Variants in GREB1L observed in about 807,000 individuals in gnomAD.
The protein encoded by GREB1L is GREB1 like retinoic acid receptor coactivator.
A neutral mutation model predicts 200.8 loss-of-function variants in GREB1L; 17 were observed. The observed-to-expected ratio is 0.08, with a 90% confidence interval of 0.06 to 0.13. The LOEUF (loss-of-function observed/expected upper bound fraction) is 0.13, where lower values mean the gene tolerates loss of function less well. GREB1L is among the 10% of genes least tolerant of loss of function. GREB1L has a pLI of 1.00. For missense variants in GREB1L, 1,657 were observed against 2,367.7 expected (o/e 0.70, Z 6.23); for synonymous variants, 789 against 893.0 (o/e 0.88, Z 2.08).
intron 1 of GREB1L, among the ~76,000 whole-genome samples, chr18:21,362,661 T>C (rs2039597400): frequency 6.6e-6 from 1 of 152,234 alleles, no homozygotes; most frequent in Non-Finnish European, 1.5e-5. Flanking sequence ...TCTCCATAAT[T>C]GGCATTGACC....
At chr18:21,333,675 C>CAA (rs36089817) in intron 1 of GREB1L, among the ~76,000 whole-genome samples, 1 of 108,848 alleles carries the variant, frequency 9.2e-6, no homozygotes, top group Non-Finnish European at 2.1e-5. Context: ...AACTCTGTCT[C>CAA]AAAAAAAAAA....
chr18:21,459,308 G>A (rs1169105426), intron 15 of GREB1L, among the ~76,000 whole-genome samples: 3 of 126,918 alleles, frequency 2.4e-5, no homozygotes, highest in East Asian at 2.5e-4. Context: ...TTTTTGAGAC[G>A]GAGTTTCACT....
rs535597475 is a variant in GREB1L at position 21,410,400 on chromosome 18, A to C, written c.832+6406A>C. On this transcript the variant is annotated intron_variant, in intron 7 of 32. Coordinates refer to ENST00000424526, the MANE Select transcript of GREB1L (RefSeq NM_001142966.3). ...GGCCAGCACGGTGGCTCATGCCTGT[A>C]ATCCCAGCACTTTGGGAGGCTGAGG... 6.6e-5 allele frequency among the ~76,000 whole-genome samples: 10 copies of C among 152,242 alleles called. No individual in the cohort carries two copies. In the South Asian group the frequency reaches 8.3e-4, roughly 13 times the overall value.
intron 4 of GREB1L, among the ~76,000 whole-genome samples, chr18:21,391,994 G>A (rs1267612163): frequency 1.3e-5 from 2 of 152,118 alleles, no homozygotes; most frequent in African/African-American, 2.4e-5. Flanking sequence ...ATTTTTAGTA[G>A]AGACAAGATT....
intron 2 of GREB1L, among the ~76,000 whole-genome samples, chr18:21,372,585 G>A (rs928221378): frequency 6.6e-6 from 1 of 152,072 alleles, no homozygotes; most frequent in African/African-American, 2.4e-5. Flanking sequence ...GGCCGAAGAT[G>A]GCTTTGAATG....
At chr18:21,304,718 T>A (rs969153767) in intron 1 of GREB1L, among the ~76,000 whole-genome samples, 7 of 151,848 alleles carry the variant, frequency 4.6e-5, no homozygotes, top group African/African-American at 1.7e-4. Context: ...AAAGAAAAAA[T>A]AAAAAATAAC....
intron 19 of GREB1L, among the ~76,000 whole-genome samples, chr18:21,492,386 G>A (rs938993698): frequency 5.3e-5 from 8 of 151,874 alleles, no homozygotes; most frequent in South Asian, 2.1e-4. Flanking sequence ...TTGGAAAGGC[G>A]GACAATCAGC....
At chr18:21,277,102 G>T (rs1382220924) in intron 1 of GREB1L, among the ~76,000 whole-genome samples, 1 of 151,942 alleles carries the variant, frequency 6.6e-6, no homozygotes, top group Non-Finnish European at 1.5e-5. Context: ...CCAATTTTTT[G>T]TATTTTTAGT....
At chr18:21,354,415 C>G (rs545230950) in intron 1 of GREB1L, among the ~76,000 whole-genome samples, 2 of 152,268 alleles carry the variant, frequency 1.3e-5, no homozygotes, top group East Asian at 3.9e-4. Flanking sequence ...TATTGAGACC[C>G]AGTTTTCAAC....
chr18:21,496,206 T>C (rs2145903557), intron 20 of GREB1L, among the ~76,000 whole-genome samples: 1 of 152,314 alleles, frequency 6.6e-6, no homozygotes, highest in South Asian at 2.1e-4. Context: ...CTTACATGTA[T>C]TCAGTCCTTA....
At chr18:21,507,942 T>C (rs549134726) in intron 25 of GREB1L, among the ~76,000 whole-genome samples, 176 bp from the exon 26 acceptor site, 1 of 152,338 alleles carries the variant, frequency 6.6e-6, no homozygotes, top group Non-Finnish European at 1.5e-5. Flanking sequence ...TGGCAGCTCC[T>C]AAATGAAGTG....
chr18:21,429,987 G>A (rs2033011249), intron 7 of GREB1L, among the ~76,000 whole-genome samples: 1 of 152,168 alleles, frequency 6.6e-6, no homozygotes, highest in African/African-American at 2.4e-5. Flanking sequence ...TCCTTGACTT[G>A]CAGATGACCG....
intron 4 of GREB1L, among the ~76,000 whole-genome samples, chr18:21,393,087 A>G (rs547039397): frequency 4.6e-5 from 7 of 152,044 alleles, no homozygotes; most frequent in South Asian, 2.1e-4. Context: ...CAATGTTTTC[A>G]TGGTGTTTTC....
chr18:21,340,142 G>C (rs2039246365), intron 1 of GREB1L, among the ~76,000 whole-genome samples: 1 of 152,226 alleles, frequency 6.6e-6, no homozygotes, highest in Admixed American at 6.5e-5. Context: ...TTGGGGCCGG[G>C]TGTGGTGGCT....
intron 15 of GREB1L, among the ~76,000 whole-genome samples, chr18:21,460,699 C>T (rs2035006903): frequency 6.6e-6 from 1 of 152,086 alleles, no homozygotes; most frequent in South Asian, 2.1e-4. Flanking sequence ...TCATGGACTC[C>T]ATTTCACTCC....
chr18:21,334,835 C>A (rs1262913265), intron 1 of GREB1L, among the ~76,000 whole-genome samples: 3 of 151,836 alleles, frequency 2.0e-5, no homozygotes, highest in East Asian at 3.9e-4. Flanking sequence ...GATGAATTAA[C>A]CTTTGAGAGG....
intron 7 of GREB1L, among the ~76,000 whole-genome samples, chr18:21,420,305 G>A (rs551518438): frequency 6.6e-6 from 1 of 151,624 alleles, no homozygotes; most frequent in South Asian, 2.1e-4. Flanking sequence ...CTGGGAGGCG[G>A]AGGTTGCAAT....
chr18:21,424,405 T>C (rs2032401056), intron 7 of GREB1L, among the ~76,000 whole-genome samples: 2 of 152,026 alleles, frequency 1.3e-5, no homozygotes, highest in Admixed American at 6.6e-5. Flanking sequence ...CCATCTCTAC[T>C]AAAAATACAA....
At chr18:21,307,531 G>C (rs1371434899) in intron 1 of GREB1L, among the ~76,000 whole-genome samples, 5 of 152,196 alleles carry the variant, frequency 3.3e-5, no homozygotes, top group Non-Finnish European at 7.3e-5. Context: ...ATTATGGATA[G>C]ATTGATCGTG....
Sources: allele counts gnomAD v4.1 joint callset (sites outside exome capture counted in the v4.1 genomes callset), GRCh38; gene constraint gnomAD v4.1.1; transcripts MANE v1.5; gene names NCBI Gene and HGNC (gene_info 2026-07-23, HGNC 2026-07-21).